The following NCKAP5 variants were observed in gnomAD, a reference collection of about 807,000 sequenced individuals.
NCKAP5 encodes the protein nck-associated protein 5.
In NCKAP5, 92 loss-of-function variants were observed where a neutral mutation model predicts 167.0. The observed-to-expected ratio is 0.55, with a 90% CI of 0.47 to 0.66. NCKAP5 has a LOEUF of 0.66. Among genes scored for constraint, NCKAP5 ranks in the 30% least tolerant of loss-of-function variants. The pLI is 0.00. For missense variants in NCKAP5, 2,378 were observed against 2,315.0 expected, an observed-to-expected ratio of 1.03 and a Z score of -0.56; for synonymous variants, 891 against 877.4, an observed-to-expected ratio of 1.02 and a Z score of -0.27.
intron 3 of NCKAP5, among the ~76,000 whole-genome samples, chr2:133,417,947 G>A (rs1462301662): frequency 6.6e-6 from 1 of 152,190 alleles, no homozygotes; most frequent in Non-Finnish European, 1.5e-5. Flanking sequence ...GTTGTTAGAC[G>A]CTAAAGTTAG....
the NCKAP5 span, among the ~76,000 whole-genome samples, chr2:133,614,702 G>A: frequency 4.3e-4 from 66 of 152,304 alleles, no homozygotes; most frequent in African/African-American, 1.2e-3. Context: ...CGGGGAGAAC[G>A]GAACCAAGTT....
At chr2:132,972,392 A>G (rs1201694882) in intron 7 of NCKAP5, among the ~76,000 whole-genome samples, 1 of 152,206 alleles carries the variant, frequency 6.6e-6, no homozygotes, top group Admixed American at 6.5e-5. Context: ...GTTTGCAACA[A>G]TGAAGGGAAA....
At chr2:132,854,744 T>C (rs1270937587) in intron 11 of NCKAP5, among the ~76,000 whole-genome samples, 1 of 152,136 alleles carries the variant, frequency 6.6e-6, no homozygotes, top group East Asian at 1.9e-4. Flanking sequence ...GCAAATGCAT[T>C]TTGCCATGGA....
intron 3 of NCKAP5, among the ~76,000 whole-genome samples, chr2:133,383,814 A>G (rs1022881951): frequency 4.6e-5 from 7 of 152,226 alleles, no homozygotes; most frequent in African/African-American, 1.7e-4. Context: ...TCTGATGGCC[A>G]GTGATGACAA....
At chr2:132,951,135 C>T (rs2076174523) in intron 8 of NCKAP5, among the ~76,000 whole-genome samples, 1 of 152,146 alleles carries the variant, frequency 6.6e-6, no homozygotes, top group Non-Finnish European at 1.5e-5. Flanking sequence ...AAACCACGGA[C>T]ACGTGTTACA....
chr2:132,791,325 A>G (rs375678596), intron 12 of NCKAP5, among the ~76,000 whole-genome samples: 17 of 152,234 alleles, frequency 1.1e-4, no homozygotes, highest in African/African-American at 3.6e-4. Flanking sequence ...CCATTTGGCT[A>G]TCCACATGGT....
chr2:132,797,391 A>T (rs1309603495), intron 11 of NCKAP5, among the ~76,000 whole-genome samples: 1 of 152,188 alleles, frequency 6.6e-6, no homozygotes, highest in East Asian at 1.9e-4. Context: ...ATTTCACTGT[A>T]TTAATCTTGA....
chr2:133,042,815 T>C (rs1163842714), intron 6 of NCKAP5, among the ~76,000 whole-genome samples: 1 of 152,228 alleles, frequency 6.6e-6, no homozygotes, highest in African/African-American at 2.4e-5. Flanking sequence ...AGCCATTTCT[T>C]TAAAGGTGGT....
chr2:133,155,763 A>G (rs1378863038), intron 5 of NCKAP5, among the ~76,000 whole-genome samples: 1 of 152,232 alleles, frequency 6.6e-6, no homozygotes, highest in Admixed American at 6.5e-5. Flanking sequence ...TTCTAGGAAG[A>G]GGGAATTCTG....
chr2:132,854,952 T>C (rs559458703), intron 11 of NCKAP5, among the ~76,000 whole-genome samples: 1 of 152,070 alleles, frequency 6.6e-6, no homozygotes, highest in East Asian at 1.9e-4. Flanking sequence ...AGAATTTGTG[T>C]CAGGAAAAAA....
At chr2:133,639,454 G>A in the NCKAP5 span, among the ~76,000 whole-genome samples, 1 of 152,160 alleles carries the variant, frequency 6.6e-6, no homozygotes, top group African/African-American at 2.4e-5. Flanking sequence ...ATCTGGATTA[G>A]GGGTATTGTC....
chr2:133,066,121 C>T, intron 6 of NCKAP5, among the ~76,000 whole-genome samples: 1 of 152,102 alleles, frequency 6.6e-6, no homozygotes, highest in East Asian at 1.9e-4. Flanking sequence ...CTGAAGGAAG[C>T]ATAATTGATG....
intron 4 of NCKAP5, among the ~76,000 whole-genome samples, chr2:133,214,880 A>T (rs974556164): frequency 5.9e-5 from 9 of 152,114 alleles, no homozygotes; most frequent in Non-Finnish European, 1.2e-4. Context: ...ATCCCCAGAA[A>T]ATTTTCCCAC....
At chr2:133,296,787 C>A (rs1048429133) in intron 4 of NCKAP5, among the ~76,000 whole-genome samples, 2 of 152,160 alleles carry the variant, frequency 1.3e-5, no homozygotes, top group Non-Finnish European at 2.9e-5. Context: ...GTCCCCAAAA[C>A]CTCCAGTCCA....
intron 11 of NCKAP5, among the ~76,000 whole-genome samples, chr2:132,810,318 C>T (rs758926141): frequency 1.3e-5 from 2 of 152,186 alleles, no homozygotes; most frequent in Non-Finnish European, 2.9e-5. Flanking sequence ...ATGTTTAGGT[C>T]TCTAGTGAGG....
chr2:133,300,351 T>C (rs1225772454), intron 4 of NCKAP5, among the ~76,000 whole-genome samples: 1 of 133,558 alleles, frequency 7.5e-6, no homozygotes, highest in Non-Finnish European at 1.6e-5. Context: ...ACGAATATCC[T>C]TGATGAACAC....
chr2:133,663,461 T>A, the NCKAP5 span, among the ~76,000 whole-genome samples: 1 of 152,336 alleles, frequency 6.6e-6, no homozygotes, highest in South Asian at 2.1e-4. Context: ...TGACTTTTCA[T>A]GGAAGTTTTC....
intron 19 of NCKAP5, among the ~76,000 whole-genome samples, chr2:132,707,579 C>T (rs1688484847): frequency 6.6e-6 from 1 of 152,186 alleles, no homozygotes; most frequent in Admixed American, 6.5e-5. Flanking sequence ...GGACCAATGC[C>T]TTTCACTCAT....
At chr2:132,933,238 C>G (rs1377119987) in intron 8 of NCKAP5, among the ~76,000 whole-genome samples, 3 of 152,110 alleles carry the variant, frequency 2.0e-5, no homozygotes, top group Admixed American at 6.6e-5. Context: ...CTGAAACACC[C>G]TCACTTTTTC....
Sources: gnomAD v4.1 joint callset for allele counts (sites outside exome capture counted in the v4.1 genomes callset) on GRCh38, gnomAD v4.1.1 for gene constraint, MANE v1.5 for transcripts, NCBI Gene and HGNC (gene_info 2026-07-23, HGNC 2026-07-21) for gene names.